The following AFF1 variants were observed in gnomAD, a reference collection of about 807,000 sequenced individuals.
AFF1 encodes the protein AF4/FMR2 family member 1.
Under a neutral mutation model 121.7 loss-of-function variants are expected in AFF1, and 48 were observed. The observed-to-expected ratio is 0.39, with a 90% confidence interval of 0.31 to 0.50. The LOEUF (loss-of-function observed/expected upper bound fraction) is 0.50. AFF1 is among the 20% of genes least tolerant of loss of function. The probability of loss-of-function intolerance (pLI) is 0.76; values close to 1 mark genes in which losing one functional copy is unlikely to be tolerated. For synonymous variants in AFF1, 613 were observed against 563.0 expected (o/e 1.09, Z -1.26); for missense variants, 1,523 against 1,511.7 (o/e 1.01, Z -0.12).
intron 4 of AFF1, among the ~76,000 whole-genome samples, chr4:87,077,796 T>C (rs1206174721): frequency 6.6e-6 from 1 of 152,200 alleles, no homozygotes; most frequent in Non-Finnish European, 1.5e-5. Context: ...CCCAAATCAA[T>C]GCAAAAAGAG....
In AFF1 at chr4:87,047,279, C is replaced by T. The variant is rs564968970; in HGVS notation, c.744C>T (p.Cys248=). 1 of 1,614,140 alleles carries T rather than the reference C, an allele frequency of 6.2e-7. No homozygotes were observed. The highest frequency in any genetic ancestry group is 2.2e-5 in the East Asian group (1 of 44,888). The change falls in exon 4 of 21, where the codon TGC becomes TGT. Residue 248 remains cysteine (C), a synonymous_variant. Coordinates refer to ENST00000395146, the MANE Select transcript of AFF1 (RefSeq NM_001166693.3). ...GCAGCAATAACAGTAAAGGCTATTG[C>T]CCAGCCAAATCTCCCAAGGACCTAG... ...HGSSNNSKGY[C]PAKSPKDLAV...
chr4:86,985,284 G>GT (rs900446676), intron 2 of AFF1, among the ~76,000 whole-genome samples: 25 of 148,298 alleles, frequency 1.7e-4, no homozygotes, highest in South Asian at 1.5e-3. Context: ...GCCGAGGTGG[G>GT]TGGATCACCT....
At chr4:87,007,042 C>T in intron 2 of AFF1, 1 of 1,180,078 alleles carries the variant, frequency 8.5e-7, no homozygotes, top group Non-Finnish European at 1.1e-6. Context: ...GCTGGGCAGG[C>T]GTTGGGCGCC....
intron 2 of AFF1, chr4:86,950,058 T>C (rs1397825903): frequency 6.2e-7 from 1 of 1,613,740 alleles, no homozygotes; most frequent in African/African-American, 1.3e-5. Context: ...GGGTGATTGA[T>C]GTAATAGGCC....
chr4:86,983,310 C>T (rs1437422067), intron 2 of AFF1, among the ~76,000 whole-genome samples: 1 of 151,986 alleles, frequency 6.6e-6, no homozygotes, highest in Non-Finnish European at 1.5e-5. Flanking sequence ...GGAGAATCAC[C>T]TGAGGTCGGA....
intron 2 of AFF1, among the ~76,000 whole-genome samples, chr4:86,979,884 A>G (rs1723597937): frequency 2.0e-5 from 3 of 152,216 alleles, no homozygotes; most frequent in Admixed American, 6.5e-5. Context: ...TTGGTCAGCC[A>G]GGCTCACTTC....
rs1416031814 is a variant in AFF1, at chr4:87,134,484, C to G, written c.3325C>G (p.Pro1109Ala). Residue 1109 changes from proline (P) to alanine (A), a missense_variant, in exon 20 of 21, where the codon CCA (proline) becomes GCA (alanine). Coordinates refer to ENST00000395146, the MANE Select transcript of AFF1 (RefSeq NM_001166693.3). ...TCCACCTCCCAGAAGCACAGGCACA[C>G]CATCCCCTCTTTCCCCAATGCCTTC... ...SPCIARSTGT[P>A]SPLSPMPSPA... 1 of 1,602,468 alleles carries G rather than the reference C, an allele frequency of 6.2e-7. No individual in the cohort carries two copies. Among genetic ancestry groups the G allele is most frequent in the Non-Finnish European group, 8.5e-7 (1 of 1,174,592 alleles).
intron 1 of AFF1, among the ~76,000 whole-genome samples, chr4:86,946,040 T>G (rs1456128161): frequency 6.6e-6 from 1 of 152,190 alleles, no homozygotes; most frequent in Non-Finnish European, 1.5e-5. Flanking sequence ...CTTTTTGATG[T>G]TTTAAGGCAT....
intron 19 of AFF1, 27 bp from the exon 20 acceptor site, chr4:87,134,444 A>C: frequency 6.5e-7 from 1 of 1,548,904 alleles, no homozygotes; most frequent in Non-Finnish European, 8.7e-7. Flanking sequence ...CTGACTGATC[A>C]GTTATCTCTT....
At position 86,952,584 on chromosome 4, in the gene AFF1, G is replaced by A. The variant is rs1721427549; in HGVS notation, c.38+4013G>A. Among the ~76,000 whole-genome samples, 3 of 151,532 alleles carry A rather than the reference G, an allele frequency of 2.0e-5. 1 individual carries two copies. In the South Asian group the frequency reaches 6.2e-4, roughly 31 times the overall value. ...CAACCTGCATGTTCTGCACATGTAT[G>A]TAACAAACCTGCATGTTCTGCACGT... On this transcript the variant is annotated intron_variant, in intron 2 of 20. Coordinates refer to ENST00000395146, the MANE Select transcript of AFF1 (RefSeq NM_001166693.3).
chr4:87,093,382 T>A (rs1578235192), intron 7 of AFF1, among the ~76,000 whole-genome samples: 1 of 152,060 alleles, frequency 6.6e-6, no homozygotes, highest in African/African-American at 2.4e-5. Context: ...GATGGTGGGG[T>A]ATGGATGGAT....
intron 2 of AFF1, among the ~76,000 whole-genome samples, chr4:86,966,046 T>G (rs752415632): frequency 3.3e-5 from 5 of 151,728 alleles, no homozygotes; most frequent in Non-Finnish European, 7.4e-5. Flanking sequence ...AGGGTGGTAG[T>G]TAGTTTCTTT....
chr4:87,060,127 CTAAG>C (rs1006752330), intron 4 of AFF1, among the ~76,000 whole-genome samples: 1 of 152,094 alleles, frequency 6.6e-6, no homozygotes, highest in Non-Finnish European at 1.5e-5. Flanking sequence ...CATTTTCTAC[CTAAG>C]TATTAAGTAA....
At chr4:87,089,619 G>T (rs115109708) in intron 5 of AFF1, among the ~76,000 whole-genome samples, 200 of 152,298 alleles carry the variant, frequency 1.3e-3, no homozygotes, top group Non-Finnish European at 2.4e-3. Context: ...AGAATGCATC[G>T]AGGAGAGACT....
At chr4:87,063,705 A>G (rs1721049370) in intron 4 of AFF1, among the ~76,000 whole-genome samples, 1 of 152,206 alleles carries the variant, frequency 6.6e-6, no homozygotes, top group Non-Finnish European at 1.5e-5. Flanking sequence ...ATGGGACAGT[A>G]TTTCCTGAGC....
chr4:87,096,209 T>C (rs1450601151), intron 8 of AFF1, among the ~76,000 whole-genome samples: 1 of 152,082 alleles, frequency 6.6e-6, no homozygotes, highest in Non-Finnish European at 1.5e-5. Flanking sequence ...ATGTATTTTA[T>C]TTGTGATACT....
At chr4:87,119,253 C>T (rs1350693584) in intron 12 of AFF1, among the ~76,000 whole-genome samples, 1 of 152,034 alleles carries the variant, frequency 6.6e-6, no homozygotes, top group African/African-American at 2.4e-5. Context: ...TACAGTAATA[C>T]ACAACCAGGC....
At chr4:87,080,550 G>A (rs917319768) in intron 4 of AFF1, among the ~76,000 whole-genome samples, 22 of 152,266 alleles carry the variant, frequency 1.4e-4, no homozygotes, top group Admixed American at 1.1e-3. Flanking sequence ...AAGGGGTTAA[G>A]AGCCAGGTGC....
chr4:87,133,404 G>T (rs950851285), intron 19 of AFF1, among the ~76,000 whole-genome samples: 2 of 152,088 alleles, frequency 1.3e-5, no homozygotes, highest in African/African-American at 2.4e-5. Context: ...CCTATTTCTA[G>T]CACATTCAAA....
Sources: allele counts gnomAD v4.1 joint callset (sites outside exome capture counted in the v4.1 genomes callset), GRCh38; gene constraint gnomAD v4.1.1; transcripts MANE v1.5; gene names NCBI Gene and HGNC (gene_info 2026-07-23, HGNC 2026-07-21).